Variants in LRRK1 observed in about 807,000 individuals in gnomAD.
The protein encoded by LRRK1 is leucine-rich repeat serine/threonine-protein kinase 1.
In LRRK1, 113 loss-of-function variants were observed where a neutral mutation model predicts 209.1. The observed-to-expected ratio is 0.54, with a 90% CI of 0.46 to 0.63. The LOEUF (loss-of-function observed/expected upper bound fraction) is 0.63, where lower values mean the gene tolerates loss of function less well. LRRK1 is among the 30% of genes least tolerant of loss of function. The pLI, the probability that LRRK1 is intolerant of heterozygous loss-of-function variation, is 0.00. For synonymous variants in LRRK1, 1,144 were observed against 1,099.7 expected (o/e 1.04, Z -0.80); for missense variants, 2,284 against 2,632.2 (o/e 0.87, Z 2.89).
intron 16 of LRRK1, among the ~76,000 whole-genome samples, chr15:101,025,496 G>C (rs1027812448): frequency 6.6e-6 from 1 of 152,208 alleles, no homozygotes; most frequent in Admixed American, 6.5e-5. Context: ...GGTTCATTTG[G>C]CTCACAATTC....
intron 2 of LRRK1, among the ~76,000 whole-genome samples, chr15:100,948,157 C>G (rs932317931): frequency 7.2e-5 from 11 of 152,194 alleles, no homozygotes; most frequent in African/African-American, 2.4e-4. Context: ...ACCCCCAAAG[C>G]CAGCTTGTCT....
rs1371422121 is a variant in LRRK1, at chr15:101,015,404, T to C, written c.1609+2T>C. On this transcript the variant is annotated splice_donor_variant, in intron 12 of 33. Coordinates refer to ENST00000388948, the MANE Select transcript of LRRK1 (RefSeq NM_024652.6). LOFTEE classifies it high-confidence loss of function. ...GCCAGCGCTCCGGGACTGAGGCAGG[T>C]GTGTGTGGGTTGGGAGACGGTGTTC... The C allele has an allele frequency of 6.2e-7, 1 of 1,610,644 alleles. No homozygotes were observed. Among genetic ancestry groups the C allele is most frequent in the Middle Eastern group, 1.7e-4 (1 of 6,054 alleles).
intron 2 of LRRK1, among the ~76,000 whole-genome samples, chr15:100,958,117 A>T (rs1164467674): frequency 6.6e-6 from 1 of 152,118 alleles, no homozygotes; most frequent in Non-Finnish European, 1.5e-5. Flanking sequence ...TAGCCTCCCA[A>T]AGTTCTGGGA....
At chr15:101,031,514 T>A (rs966659094) in intron 20 of LRRK1, among the ~76,000 whole-genome samples, 1 of 152,240 alleles carries the variant, frequency 6.6e-6, no homozygotes, top group Non-Finnish European at 1.5e-5. Flanking sequence ...CAGCTCTTGA[T>A]AGGCATTTGG....
rs370276250 is a variant in LRRK1 at position 101,009,031 on chromosome 15, C to T, written c.957C>T (p.Gly319=). 14 of 1,614,148 alleles carry T rather than the reference C, an allele frequency of 8.7e-6. No homozygotes were observed. The highest frequency in any genetic ancestry group is 5.0e-5 in the Admixed American group (3 of 60,034). ...ACAACCACCTGGGGGAGCTGCCTGG[C>T]GTGCAGTCATCGGACGAAATCATCT... ...LSDNHLGELP[G]VQSSDEIICS... The change falls in exon 7 of 34, where the codon GGC becomes GGT. Residue 319 remains glycine (G), a synonymous_variant. Transcript: ENST00000388948.
intron 2 of LRRK1, among the ~76,000 whole-genome samples, chr15:100,929,446 G>A (rs1478007051): frequency 6.6e-6 from 1 of 152,084 alleles, no homozygotes; most frequent in Non-Finnish European, 1.5e-5. Flanking sequence ...CCAATGTCTT[G>A]TTTTTTTCTC....
chr15:101,027,817 G>C lies in LRRK1; in HGVS notation c.2686+20G>C. 2 of 1,550,186 alleles carry C rather than the reference G, an allele frequency of 1.3e-6. No homozygotes were observed. Among genetic ancestry groups the C allele is most frequent in the African/African-American group, 1.4e-5 (1 of 73,750 alleles). On this transcript the variant is annotated intron_variant, in intron 19 of 33. Coordinates refer to ENST00000388948, the MANE Select transcript of LRRK1 (RefSeq NM_024652.6). The surrounding 1 kb of genome is among the most constrained non-coding windows in gnomAD (Gnocchi z 5.1). ...AGTCAGGTGGGTGGGGCTGGGGTAG[G>C]TGGCAGGGTGCCCGTGAGAAATGGA...
At chr15:100,962,794 C>CATATATATAT (rs769399875) in intron 2 of LRRK1, among the ~76,000 whole-genome samples, 3 of 39,406 alleles carry the variant, frequency 7.6e-5, no homozygotes, top group African/African-American at 2.7e-4. Context: ...TTTCATTTTG[C>CATATATATAT]ATATATATAT....
intron 2 of LRRK1, among the ~76,000 whole-genome samples, chr15:100,972,391 T>A (rs1361792803): frequency 6.7e-6 from 1 of 148,664 alleles, no homozygotes; most frequent in Non-Finnish European, 1.5e-5. Flanking sequence ...TGTGTGTGTG[T>A]GTGTGTGTGT....
intron 27 of LRRK1, among the ~76,000 whole-genome samples, chr15:101,056,416 G>A (rs913340296): frequency 1.3e-5 from 2 of 152,120 alleles, no homozygotes; most frequent in African/African-American, 4.8e-5. Flanking sequence ...TTATTGGATG[G>A]AAGGATGGAT....
At chr15:100,985,688 G>A (rs2141666380) in intron 4 of LRRK1, among the ~76,000 whole-genome samples, 1 of 152,342 alleles carries the variant, frequency 6.6e-6, no homozygotes, top group Admixed American at 6.5e-5. Flanking sequence ...GCTGAACCTC[G>A]TCATGGTTTT....
Position 101,055,203 on chromosome 15 carries a change from C to T in LRRK1, c.4312C>T (p.Arg1438Cys), listed in dbSNP as rs199787324. The change falls in exon 27 of 34, where the codon CGC becomes TGC. Residue 1438 changes from arginine to cysteine, a missense_variant. Physicochemically the swap from Arg to Cys is radical, Grantham distance 180. Coordinates refer to ENST00000388948, the MANE Select transcript of LRRK1 (RefSeq NM_024652.6). ...CTACCAGGCCCCAGAGATCAGGCCT[C>T]GCATTGTATATGATGAGAAGGTACG... Reference protein sequence around the residue: ...PGYQAPEIRPRIVYDEKVDMF... With the variant: ...PGYQAPEIRPCIVYDEKVDMF... The T allele has an allele frequency of 3.5e-5, 55 of 1,588,974 alleles. No homozygotes were observed. The highest frequency in any genetic ancestry group is 1.3e-4 in the South Asian group (11 of 86,604).
intron 30 of LRRK1, among the ~76,000 whole-genome samples, chr15:101,061,584 G>A (rs949121000): frequency 1.3e-5 from 2 of 152,222 alleles, no homozygotes; most frequent in Non-Finnish European, 2.9e-5. Flanking sequence ...GGACGTGCCT[G>A]TGTTTCCCAT....
intron 1 of LRRK1, among the ~76,000 whole-genome samples, chr15:100,921,428 C>G (rs906062382): frequency 6.6e-6 from 1 of 152,218 alleles, no homozygotes; most frequent in Non-Finnish European, 1.5e-5. Flanking sequence ...GCAAATAGCA[C>G]TCAAGAGATT....
At chr15:101,011,588 GTGTGTGTGTGTGTGCA>G (rs2033247265) in intron 9 of LRRK1, among the ~76,000 whole-genome samples, 1 of 151,302 alleles carries the variant, frequency 6.6e-6, no homozygotes, top group Non-Finnish European at 1.5e-5. Context: ...TGAAGAATGT[GTGTGTGTGTGTGTGCA>G]TGTGTGTGTG....
intron 2 of LRRK1, among the ~76,000 whole-genome samples, chr15:100,949,600 C>G (rs1220765960): frequency 6.6e-6 from 1 of 152,110 alleles, no homozygotes. Flanking sequence ...CTACCTCTTT[C>G]AAATATAGAT....
At chr15:101,068,276 C>T (rs1266960971) in intron 33 of LRRK1, among the ~76,000 whole-genome samples, 1 of 152,154 alleles carries the variant, frequency 6.6e-6, no homozygotes, top group Non-Finnish European at 1.5e-5. Flanking sequence ...TCTTACTGAG[C>T]TTAGTGGCAA....
At chr15:101,009,197 C>T in intron 7 of LRRK1, 134 bp downstream of exon 7, 1 of 711,020 alleles carries the variant, frequency 1.4e-6, no homozygotes, top group South Asian at 1.8e-5. Flanking sequence ...GGAGTTTTGC[C>T]TACCCTGAGG....
chr15:101,057,011 G>A lies in LRRK1; in HGVS notation c.4488G>A (p.Gln1496=). 6.2e-7 allele frequency: 1 copy of A among 1,613,630 alleles called. No individual in the cohort carries two copies. The highest frequency in any genetic ancestry group is 2.2e-5 in the East Asian group (1 of 44,870). ...AGGAAGTGCAGTTCCGGCGACTGCAGGCGCTCATGATGGAGTGCTGGGACA... is the reference window on the plus strand; with the variant it reads ...AGGAAGTGCAGTTCCGGCGACTGCAAGCGCTCATGATGGAGTGCTGGGACA... The part of the protein sequence containing the change: ...QPEEVQFRRL[Q]ALMMECWDTK... Residue 1496 remains glutamine (Q), a synonymous_variant, in exon 28 of 34, where the codon CAG becomes CAA. Transcript: ENST00000388948.
Sources: gnomAD v4.1 joint callset for allele counts (sites outside exome capture counted in the v4.1 genomes callset) on GRCh38, gnomAD v4.1.1 for gene constraint, Gnocchi (gnomAD v3.1) non-coding constraint, MANE v1.5 for transcripts, NCBI Gene and HGNC (gene_info 2026-07-23, HGNC 2026-07-21) for gene names.